Variants in SORCS1 observed in about 807,000 individuals in gnomAD.
SORCS1 encodes sortilin related VPS10 domain containing receptor 1.
SORCS1 carries 60 observed loss-of-function variants against 146.1 expected under a neutral mutation model. That is an observed-to-expected ratio of 0.41 (90% CI 0.33 to 0.51). The LOEUF (loss-of-function observed/expected upper bound fraction) is 0.51. SORCS1 is among the 20% of genes least tolerant of loss of function. SORCS1 has a pLI of 0.21. For missense variants in SORCS1, 1,352 were observed against 1,487.6 expected, an observed-to-expected ratio of 0.91 and a Z score of 1.50; for synonymous variants, 637 against 584.0, an observed-to-expected ratio of 1.09 and a Z score of -1.31.
chr10:106,760,659 C>T (rs116335883), intron 5 of SORCS1, among the ~76,000 whole-genome samples: 10 of 151,732 alleles, frequency 6.6e-5, no homozygotes, highest in African/African-American at 2.2e-4. Flanking sequence ...TATTCTGTTA[C>T]GGCAACCCAA....
intron 5 of SORCS1, among the ~76,000 whole-genome samples, chr10:106,746,063 A>T (rs1857717681): frequency 6.6e-6 from 1 of 152,204 alleles, no homozygotes. Flanking sequence ...ACAAGGAAAG[A>T]CGGAGGAACT....
intron 2 of SORCS1, among the ~76,000 whole-genome samples, chr10:106,902,089 A>G (rs1165671923): frequency 6.6e-6 from 1 of 152,170 alleles, no homozygotes; most frequent in African/African-American, 2.4e-5. Context: ...AATATTAGCA[A>G]ATACTAAAAT....
chr10:106,921,057 G>A (rs1338163105), intron 2 of SORCS1, among the ~76,000 whole-genome samples: 2 of 152,156 alleles, frequency 1.3e-5, no homozygotes, highest in Non-Finnish European at 2.9e-5. Flanking sequence ...CTTGCAGGTG[G>A]TCAGCTCTTG....
rs1948474237 is a variant in SORCS1 at position 106,830,101 on chromosome 10, T to C, written c.627-428A>G. On this transcript the variant is annotated intron_variant, in intron 2 of 25. Coordinates refer to ENST00000263054, the MANE Select transcript of SORCS1 (RefSeq NM_052918.5). ...GTTTTCTTTCATGAGTCAGGGAATA[T>C]ATGGTGGGTCAGTCCCTTCAAAGGT... 2.0e-5 allele frequency among the ~76,000 whole-genome samples: 3 copies of C among 152,176 alleles called. No individual in the cohort carries two copies. The South Asian group carries it at 6.2e-4, about 32-fold the overall frequency.
At chr10:106,649,523 T>C (rs1849704609) in intron 18 of SORCS1, among the ~76,000 whole-genome samples, 1 of 152,260 alleles carries the variant, frequency 6.6e-6, no homozygotes, top group South Asian at 2.1e-4. Context: ...TTCTGGACTT[T>C]TTAAACACCT....
intron 22 of SORCS1, 98 bp downstream of exon 22, chr10:106,611,813 A>AGATT: frequency 1.3e-6 from 1 of 787,546 alleles, no homozygotes; most frequent in African/African-American, 1.7e-5. Context: ...CTGCTGGGTT[A>AGATT]GTTTGTTTGT....
chr10:106,853,548 G>T (rs933974230), intron 2 of SORCS1, among the ~76,000 whole-genome samples: 4 of 151,552 alleles, frequency 2.6e-5, no homozygotes, highest in Admixed American at 6.6e-5. Flanking sequence ...TGAGGTGGGG[G>T]TTTAAATTAT....
At chr10:106,661,995 C>T (rs373178230) in intron 17 of SORCS1, among the ~76,000 whole-genome samples, 20 of 152,318 alleles carry the variant, frequency 1.3e-4, no homozygotes, top group African/African-American at 3.1e-4. Flanking sequence ...GAAACCCTGA[C>T]GCCACTGGAC....
chr10:106,932,079 T>G (rs1953449808), intron 2 of SORCS1, among the ~76,000 whole-genome samples: 1 of 152,142 alleles, frequency 6.6e-6, no homozygotes, highest in Admixed American at 6.5e-5. Context: ...GATGTTCTCA[T>G]GGGGAAAGGT....
At chr10:107,169,468 T>G (rs2134980458), upstream of SORCS1, among the ~76,000 whole-genome samples, 1 of 152,306 alleles carries the variant, frequency 6.6e-6, no homozygotes, top group East Asian at 1.9e-4. Context: ...ATCTAAGTGG[T>G]GTTAGTAGGA....
chr10:106,801,431 CCCTTACTATGTGTTAGG>C (rs1946867620), intron 3 of SORCS1, among the ~76,000 whole-genome samples: 1 of 151,778 alleles, frequency 6.6e-6, no homozygotes, highest in Non-Finnish European at 1.5e-5. Context: ...CATTTAATAG[CCCTTACTATGTGTTAGG>C]CTCATTTTAA....
intron 1 of SORCS1, among the ~76,000 whole-genome samples, chr10:107,067,496 T>C (rs758232652): frequency 6.6e-6 from 1 of 152,094 alleles, no homozygotes; most frequent in African/African-American, 2.4e-5. Flanking sequence ...CCCGGTGTAA[T>C]TGGTGTAATT....
In SORCS1 at chr10:106,762,750, T is replaced by C. The variant is rs115689389; in HGVS notation, c.886-1089A>G. Among the ~76,000 whole-genome samples, 281 of 152,166 alleles carry C rather than the reference T, an allele frequency of 1.8e-3. 2 individuals carry two copies. Among genetic ancestry groups the C allele is most frequent in the African/African-American group, 6.5e-3 (269 of 41,506 alleles). On this transcript the variant is annotated intron_variant, in intron 4 of 25. Coordinates refer to ENST00000263054, the MANE Select transcript of SORCS1 (RefSeq NM_052918.5). ...GGGGGAGACTGGTTTCCTGGGTACA[T>C]TTCATGTTTGATATATTTTATGAGT...
chr10:106,942,942 C>T (rs1282900102), intron 2 of SORCS1, among the ~76,000 whole-genome samples: 1 of 152,194 alleles, frequency 6.6e-6, no homozygotes, highest in Non-Finnish European at 1.5e-5. Flanking sequence ...TCTGTCACCT[C>T]CTTTCTACAA....
chr10:106,897,339 G>A (rs1353993580), intron 2 of SORCS1, among the ~76,000 whole-genome samples: 1 of 152,048 alleles, frequency 6.6e-6, no homozygotes, highest in Non-Finnish European at 1.5e-5. Context: ...CCCCAAAACT[G>A]TTTATGTGCA....
chr10:107,125,567 A>G (rs544988809), intron 1 of SORCS1, among the ~76,000 whole-genome samples: 1 of 152,342 alleles, frequency 6.6e-6, no homozygotes, highest in South Asian at 2.1e-4. Flanking sequence ...GCATTTGCAT[A>G]TGGGAAAAAT....
In SORCS1 at chr10:107,032,615, G is replaced by A. The variant is rs1958712228; in HGVS notation, c.559-76035C>T. Among the ~76,000 whole-genome samples, 2 of 152,172 alleles carry A rather than the reference G, an allele frequency of 1.3e-5. 1 individual carries two copies. The highest frequency in any genetic ancestry group is 2.9e-5 in the Non-Finnish European group (2 of 68,040). On this transcript the variant is annotated intron_variant, in intron 1 of 25. Coordinates refer to ENST00000263054, the MANE Select transcript of SORCS1 (RefSeq NM_052918.5). The stretch of plus-strand genomic sequence containing the variant: ...GTCACTTGCTATAAATAAGCCTGCT[G>A]AGAACCTCCCCTTGTTGCCCTATGG...
intron 5 of SORCS1, among the ~76,000 whole-genome samples, chr10:106,730,576 C>CA (rs1856524013): frequency 6.6e-6 from 1 of 152,216 alleles, no homozygotes; most frequent in Non-Finnish European, 1.5e-5. Flanking sequence ...CCCTGTGACT[C>CA]AACCAATACA....
chr10:106,915,599 T>C (rs562783482), intron 2 of SORCS1, among the ~76,000 whole-genome samples: 6 of 152,296 alleles, frequency 3.9e-5, no homozygotes, highest in Admixed American at 6.5e-5. Context: ...TCCATTCCTC[T>C]TTCTTGTTGT....
Sources: allele counts gnomAD v4.1 joint callset (sites outside exome capture counted in the v4.1 genomes callset), GRCh38; gene constraint gnomAD v4.1.1; transcripts MANE v1.5; gene names NCBI Gene and HGNC (gene_info 2026-07-23, HGNC 2026-07-21).